Variants in NUP210L observed in about 807,000 individuals in gnomAD.
The protein encoded by NUP210L is nucleoporin 210 like, also known as nuclear pore membrane glycoprotein 210-like.
A neutral mutation model predicts 208.5 loss-of-function variants in NUP210L; 74 were observed. The ratio of observed to expected loss-of-function variants is 0.35; its 90% CI spans 0.29 to 0.43. NUP210L has a LOEUF of 0.43. NUP210L is among the 20% of genes least tolerant of loss of function. NUP210L has a pLI of 1.00. For missense variants in NUP210L, 1,843 were observed against 2,289.4 expected (o/e 0.81, Z 3.98); for synonymous variants, 780 against 816.9 (o/e 0.95, Z 0.77).
chr1:154,107,312 A>T (rs1209629348), intron 12 of NUP210L, among the ~76,000 whole-genome samples: 1 of 151,482 alleles, frequency 6.6e-6, no homozygotes, highest in Non-Finnish European at 1.5e-5. Context: ...TGTCTCTACT[A>T]AAAATACAAA....
chr1:154,091,639 T>C (rs1655920192), intron 15 of NUP210L, among the ~76,000 whole-genome samples: 1 of 151,516 alleles, frequency 6.6e-6, no homozygotes, highest in South Asian at 2.1e-4. Flanking sequence ...TAGCTGAGAT[T>C]ACAGGTGCCC....
intron 12 of NUP210L, 40 bp from the exon 13 acceptor site, chr1:154,104,250 A>G: frequency 3.8e-6 from 6 of 1,580,030 alleles, no homozygotes; most frequent in Non-Finnish European, 5.2e-6. Flanking sequence ...AGTTATGTTA[A>G]AAAAAAGTCT....
intron 10 of NUP210L, among the ~76,000 whole-genome samples, chr1:154,125,773 T>G (rs1397902001): frequency 1.7e-4 from 9 of 53,140 alleles, no homozygotes; most frequent in African/African-American, 3.6e-4. Flanking sequence ...TTTTTTTTTT[T>G]TTTTTTTTTT....
intron 16 of NUP210L, among the ~76,000 whole-genome samples, chr1:154,082,261 A>G (rs1188863897): frequency 6.6e-6 from 1 of 152,182 alleles, no homozygotes; most frequent in Non-Finnish European, 1.5e-5. Flanking sequence ...ATCTGAAGTG[A>G]GGGCAGTCTT....
chr1:154,116,659 T>C (rs1051736140), intron 12 of NUP210L, among the ~76,000 whole-genome samples: 1 of 151,056 alleles, frequency 6.6e-6, no homozygotes, highest in African/African-American at 2.4e-5. Flanking sequence ...TCCTAGGAGT[T>C]TGAGGCTGCA....
chr1:154,139,779 T>C, intron 5 of NUP210L, 23 bp downstream of exon 5: 18 of 1,602,634 alleles, frequency 1.1e-5, no homozygotes, highest in Non-Finnish European at 1.5e-5. Context: ...GTAAGGAAAA[T>C]TTATAGCACA....
chr1:154,011,515 C>A (rs1377008249), intron 34 of NUP210L, among the ~76,000 whole-genome samples: 1 of 150,758 alleles, frequency 6.6e-6, no homozygotes, highest in African/African-American at 2.4e-5. Context: ...AGCCACCGCG[C>A]CTGGCCATCT....
At position 154,060,441 on chromosome 1, in the gene NUP210L, T is replaced by C. The variant is rs544925929; in HGVS notation, c.2850+99A>G. On this transcript the variant is annotated intron_variant, in intron 20 of 39. Coordinates refer to ENST00000368559, the Ensembl canonical transcript of NUP210L. Reference sequence around the variant, plus strand: ...TTAAAGAAAGAAAGGAAAATGTTACTTCTGTAACAAGTTTTAGACACAAAA... The same window carrying C: ...TTAAAGAAAGAAAGGAAAATGTTACCTCTGTAACAAGTTTTAGACACAAAA... 4.8e-5 allele frequency: 35 copies of C among 725,794 alleles called. No homozygotes were observed. The South Asian group carries it at 6.0e-4, about 12-fold the overall frequency. 45.0% of individuals were successfully genotyped at this position (725,794 alleles called of 1,614,324 possible). A position where few individuals can be genotyped will look rare whatever the true frequency, so the allele number is the denominator to read the frequency against.
chr1:154,002,060 G>A, intron 35 of NUP210L, 75 bp from the exon 36 acceptor site: 3 of 1,459,510 alleles, frequency 2.1e-6, no homozygotes, highest in Admixed American at 2.2e-5. Context: ...GGATAGGAAG[G>A]GAAAATTGTG....
chr1:154,078,295 C>T (rs1408466455), intron 16 of NUP210L, among the ~76,000 whole-genome samples: 1 of 150,336 alleles, frequency 6.7e-6, no homozygotes, highest in Non-Finnish European at 1.5e-5. Context: ...AGAGGAAGAT[C>T]CTATCTCCAA....
chr1:154,040,675 C>A (rs1158346525), intron 27 of NUP210L, among the ~76,000 whole-genome samples: 1 of 151,828 alleles, frequency 6.6e-6, no homozygotes, highest in Non-Finnish European at 1.5e-5. Flanking sequence ...CAAGCTCTGC[C>A]TCCCAGGTTC....
At chr1:154,083,377 T>C (rs889875935) in intron 16 of NUP210L, among the ~76,000 whole-genome samples, 1 of 152,084 alleles carries the variant, frequency 6.6e-6, no homozygotes, top group Non-Finnish European at 1.5e-5. Context: ...GTTCTCCAAG[T>C]CCCCACCAGA....
intron 12 of NUP210L, among the ~76,000 whole-genome samples, chr1:154,115,109 C>T (rs1657253926): frequency 6.6e-6 from 1 of 152,176 alleles, no homozygotes; most frequent in African/African-American, 2.4e-5. Context: ...CCCTTCAATC[C>T]ATTCTAATCT....
intron 2 of NUP210L, among the ~76,000 whole-genome samples, chr1:154,146,619 T>TCCCCCCCCCC (rs1178482684): frequency 7.8e-4 from 60 of 76,822 alleles, no homozygotes; most frequent in Non-Finnish European, 1.0e-3. Flanking sequence ...CCATCCCCCC[T>TCCCCCCCCCC]CCCCCCCCCA....
chr1:154,005,832 T>C (rs1407716833), intron 35 of NUP210L, among the ~76,000 whole-genome samples: 1 of 152,032 alleles, frequency 6.6e-6, no homozygotes, highest in Non-Finnish European at 1.5e-5. Flanking sequence ...CAAGTGATTC[T>C]CCTGCCTGAG....
intron 27 of NUP210L, among the ~76,000 whole-genome samples, chr1:154,042,083 C>A (rs143178170): frequency 6.6e-6 from 1 of 151,838 alleles, no homozygotes; most frequent in African/African-American, 2.4e-5. Flanking sequence ...AGCAAGAAGG[C>A]CTTTCCCTCT....
At chr1:154,094,111 G>A (rs565054393) in intron 15 of NUP210L, among the ~76,000 whole-genome samples, 15 of 152,150 alleles carry the variant, frequency 9.9e-5, no homozygotes, top group African/African-American at 2.9e-4. Flanking sequence ...GTAAAACCCC[G>A]TCTCTACTAA....
At chr1:154,072,355 C>T (rs192687930) in intron 16 of NUP210L, among the ~76,000 whole-genome samples, 8 of 94,142 alleles carry the variant, frequency 8.5e-5, no homozygotes, top group South Asian at 3.7e-4. Context: ...TTTTTTGAGA[C>T]GGAGTCTCGC....
At chr1:154,030,912 A>T (rs550293519) in intron 27 of NUP210L, among the ~76,000 whole-genome samples, 14 of 151,952 alleles carry the variant, frequency 9.2e-5, no homozygotes, top group African/African-American at 3.1e-4. Context: ...CAGCTAATTT[A>T]AAAAAAATTC....
Sources: gnomAD v4.1 joint callset for allele counts (sites outside exome capture counted in the v4.1 genomes callset) on GRCh38, gnomAD v4.1.1 for gene constraint, MANE v1.5 for transcripts, NCBI Gene and HGNC (gene_info 2026-07-23, HGNC 2026-07-21) for gene names.